Variants in JAKMIP1 observed in about 807,000 individuals in gnomAD.
The protein encoded by JAKMIP1 is janus kinase and microtubule interacting protein 1.
In JAKMIP1, 33 loss-of-function variants were observed where a neutral mutation model predicts 113.0. The ratio of observed to expected loss-of-function variants is 0.29; its 90% CI spans 0.22 to 0.39. The LOEUF is 0.39. Among genes scored for constraint, JAKMIP1 ranks in the 10% least tolerant of loss-of-function variants. The pLI is 1.00. For synonymous variants in JAKMIP1, 480 were observed against 459.9 expected (o/e 1.04, Z -0.56); for missense variants, 813 against 1,080.5 (o/e 0.75, Z 3.47).
rs907921152 is a variant in JAKMIP1 at position 6,188,076 on chromosome 4, T to A, written c.-148+12177A>T. Among the ~76,000 whole-genome samples the A allele has an allele frequency of 3.9e-5, 6 of 152,172 alleles. No individual in the cohort carries two copies. Among genetic ancestry groups the A allele is most frequent in the African/African-American group, 1.4e-4 (6 of 41,454 alleles). On this transcript the variant is annotated intron_variant, in intron 1 of 20. Transcript: ENST00000409021. This position sits in a 1 kb window ranked among gnomAD's most constrained non-coding sequence, Gnocchi z 5.8. ...GTTTCTTAAATGGCTAATTTTCAAA[T>A]CTGTCATTTTTTTTTCTTTTTGGTT... is the stretch of plus-strand genomic sequence containing the variant.
At chr4:6,043,195 C>T (rs1400564443) in intron 16 of JAKMIP1, among the ~76,000 whole-genome samples, 1 of 151,996 alleles carries the variant, frequency 6.6e-6, no homozygotes, top group African/African-American at 2.4e-5. Flanking sequence ...GGAGCGCCCT[C>T]TTTCCCGACC....
chr4:6,186,870 C>A lies in JAKMIP1; in HGVS notation c.-148+13383G>T, dbSNP rs1320936861. ...TGAGACAGTCTCTCACTCTGTCACCCAAGCTGGAGTGCAGTGGTGCAATCA... is the reference window on the plus strand; with the variant it reads ...TGAGACAGTCTCTCACTCTGTCACCAAAGCTGGAGTGCAGTGGTGCAATCA... On this transcript the variant is annotated intron_variant, in intron 1 of 20. Coordinates refer to ENST00000409021, the MANE Select transcript of JAKMIP1 (RefSeq NM_001099433.2). This position sits in a 1 kb window ranked among gnomAD's most constrained non-coding sequence, Gnocchi z 5.5. 6.6e-6 allele frequency among the ~76,000 whole-genome samples: 1 copy of A among 152,164 alleles called. No individual in the cohort carries two copies. The highest frequency in any genetic ancestry group is 2.4e-5 in the African/African-American group (1 of 41,446).
At position 6,194,314 on chromosome 4, in the gene JAKMIP1, A is replaced by G. The variant is rs1296475681; in HGVS notation, c.-148+5939T>C. On this transcript the variant is annotated intron_variant, in intron 1 of 20. Coordinates refer to ENST00000409021, the MANE Select transcript of JAKMIP1 (RefSeq NM_001099433.2). This position sits in a 1 kb window ranked among gnomAD's most constrained non-coding sequence, Gnocchi z 7.4. ...TGAATTTCACCTCAATTTTTTTAAG[A>G]AAAAGAAGGGGAAAAAGAATTGCTT... Among the ~76,000 whole-genome samples, 2 of 152,060 alleles carry G rather than the reference A, an allele frequency of 1.3e-5. No homozygotes were observed. Among genetic ancestry groups the G allele is most frequent in the Non-Finnish European group, 2.9e-5 (2 of 68,010 alleles).
At chr4:6,130,522 A>AG (rs894663356) in intron 1 of JAKMIP1, among the ~76,000 whole-genome samples, 14 of 152,344 alleles carry the variant, frequency 9.2e-5, no homozygotes, top group African/African-American at 2.4e-4. Context: ...GCATACTAAA[A>AG]GGCAAAAAAG....
chr4:6,087,958 G>C (rs573368274), intron 3 of JAKMIP1, among the ~76,000 whole-genome samples: 1 of 152,240 alleles, frequency 6.6e-6, no homozygotes, highest in African/African-American at 2.4e-5. Flanking sequence ...TTTCCAAATG[G>C]GTAGGAGCAC....
chr4:6,073,541 GT>G (rs1413161814), intron 8 of JAKMIP1, among the ~76,000 whole-genome samples: 1 of 152,252 alleles, frequency 6.6e-6, no homozygotes, highest in African/African-American at 2.4e-5. Flanking sequence ...GAGGCAGGGT[GT>G]AGGCATGGCC....
At chr4:6,053,952 A>G in intron 13 of JAKMIP1, 98 bp downstream of exon 13, 1 of 1,601,422 alleles carries the variant, frequency 6.2e-7, no homozygotes, top group East Asian at 2.2e-5. Flanking sequence ...CCCTTTACAC[A>G]TGCTTGAAAA....
At position 6,048,901 on chromosome 4, in the gene JAKMIP1, C is replaced by A; in HGVS notation, c.1984G>T (p.Val662Phe). Residue 662 changes from valine to phenylalanine, a missense_variant, in exon 16 of 21, where the codon GTT (valine) becomes TTT (phenylalanine). Physicochemically the swap from Val to Phe is conservative, Grantham distance 50. Coordinates refer to ENST00000409021, the MANE Select transcript of JAKMIP1 (RefSeq NM_001099433.2). ...ACAGTTCCAGCTTGGATTATTGCAA[C>A]CTGTTCTTCATTTCTCAAATTCTAA... is the stretch of plus-strand genomic sequence containing the variant. ...DNGNLRNEEQ[V>F]AIIQAGTVLA... The A allele has an allele frequency of 6.2e-7, 1 of 1,613,972 alleles. No individual in the cohort carries two copies. Among genetic ancestry groups the A allele is most frequent in the Non-Finnish European group, 8.5e-7 (1 of 1,179,844 alleles).
intron 8 of JAKMIP1, among the ~76,000 whole-genome samples, chr4:6,075,472 C>T (rs1719575480): frequency 6.6e-6 from 1 of 152,100 alleles, no homozygotes; most frequent in Admixed American, 6.6e-5. Flanking sequence ...AAAACTTGGT[C>T]CACACGGAAG....
At chr4:6,131,748 C>A (rs1465359182) in intron 1 of JAKMIP1, among the ~76,000 whole-genome samples, 1 of 152,116 alleles carries the variant, frequency 6.6e-6, no homozygotes, top group African/African-American at 2.4e-5. Context: ...ATTATTAATA[C>A]ATCCGACTTC....
At chr4:6,101,313 C>A (rs1376141751) in intron 3 of JAKMIP1, among the ~76,000 whole-genome samples, 1 of 151,818 alleles carries the variant, frequency 6.6e-6, no homozygotes, top group South Asian at 2.1e-4. Context: ...TTACAGATAG[C>A]TGACCAGTCC....
Position 6,141,234 on chromosome 4 carries a change from G to A in JAKMIP1, c.-147-28237C>T, listed in dbSNP as rs569875256. 1.4e-4 allele frequency among the ~76,000 whole-genome samples: 22 copies of A among 152,282 alleles called. No individual in the cohort carries two copies. The South Asian group carries it at 1.7e-3, about 11-fold the overall frequency. On this transcript the variant is annotated intron_variant, in intron 1 of 20. Transcript: ENST00000409021. The surrounding 1 kb of genome is among the most constrained non-coding windows in gnomAD (Gnocchi z 9.4). ...GCAGATCACTTGAGCCCAGGAATTC[G>A]AGACCAGCCTGGCCAACATGGCGAA...
chr4:6,184,558 T>C lies in JAKMIP1; in HGVS notation c.-148+15695A>G, dbSNP rs1726422798. On this transcript the variant is annotated intron_variant, in intron 1 of 20. Transcript: ENST00000409021. The surrounding 1 kb of genome is among the most constrained non-coding windows in gnomAD (Gnocchi z 4.5). ...CTCCACCCTGAGCGCCAGTGTGGGATGGGTGCTATATGGACGGGAAGAGCT... is the reference window on the plus strand; with the variant it reads ...CTCCACCCTGAGCGCCAGTGTGGGACGGGTGCTATATGGACGGGAAGAGCT... Among the ~76,000 whole-genome samples, 1 of 152,116 alleles carries C rather than the reference T, an allele frequency of 6.6e-6. No homozygotes were observed. Among genetic ancestry groups the C allele is most frequent in the Admixed American group, 6.5e-5 (1 of 15,278 alleles).
intron 3 of JAKMIP1, among the ~76,000 whole-genome samples, chr4:6,090,697 A>G (rs1721934978): frequency 6.6e-6 from 1 of 152,090 alleles, no homozygotes; most frequent in South Asian, 2.1e-4. Flanking sequence ...CACGTTGACC[A>G]TGACCGCCTT....
At chr4:6,165,777 T>TA (rs111543889) in intron 1 of JAKMIP1, among the ~76,000 whole-genome samples, 7,725 of 152,296 alleles carry the variant, frequency 0.051, 443 homozygotes, top group African/African-American at 0.14. Flanking sequence ...GAACAGAACT[T>TA]ACAATATCTC....
intron 18 of JAKMIP1, among the ~76,000 whole-genome samples, chr4:6,039,446 A>C (rs73071593): frequency 1.3e-5 from 2 of 152,132 alleles, no homozygotes; most frequent in Non-Finnish European, 2.9e-5. Context: ...CCTAAGTTCC[A>C]TCTAAAATCA....
intron 18 of JAKMIP1, among the ~76,000 whole-genome samples, chr4:6,039,533 T>C (rs929730420): frequency 1.3e-5 from 2 of 151,950 alleles, no homozygotes; most frequent in African/African-American, 2.4e-5. Context: ...CTGCAGGGTG[T>C]TTTCAAAAGC....
intron 20 of JAKMIP1, among the ~76,000 whole-genome samples, chr4:6,026,534 G>A (rs1711820283): frequency 6.6e-6 from 1 of 152,084 alleles, no homozygotes; most frequent in Non-Finnish European, 1.5e-5. Flanking sequence ...CTCATTCAGG[G>A]GAGATTGACA....
intron 1 of JAKMIP1, among the ~76,000 whole-genome samples, chr4:6,120,574 C>G (rs572952097): frequency 4.6e-5 from 7 of 152,340 alleles, no homozygotes; most frequent in African/African-American, 1.4e-4. Context: ...GTGAGCCCTG[C>G]CGGGCAGCAC....
Sources: allele counts gnomAD v4.1 joint callset (sites outside exome capture counted in the v4.1 genomes callset), GRCh38; gene constraint gnomAD v4.1.1; non-coding constraint Gnocchi (gnomAD v3.1); transcripts MANE v1.5; gene names NCBI Gene and HGNC (gene_info 2026-07-23, HGNC 2026-07-21).